HS6ST3: variants seen among roughly 807,000 people sequenced by gnomAD.
HS6ST3 encodes heparan-sulfate 6-O-sulfotransferase 3.
Under a neutral mutation model 36.7 loss-of-function variants are expected in HS6ST3, and 12 were observed. The observed-to-expected ratio is 0.33, with a 90% CI of 0.21 to 0.53. The LOEUF is 0.53. Among genes scored for constraint, HS6ST3 ranks in the 20% least tolerant of loss-of-function variants. HS6ST3 has a pLI of 0.95. For synonymous variants in HS6ST3, 240 were observed against 257.5 expected (o/e 0.93, Z 0.65); for missense variants, 584 against 640.9 (o/e 0.91, Z 0.96).
Position 96,223,218 on chromosome 13 carries a change from G to C in HS6ST3, c.707+131649G>C, listed in dbSNP as rs534626091. ...AGGACAAGAATGGGAGAAATCATGA[G>C]TGACATTGGAGCAGGGAAGCAGAGT... On this transcript the variant is annotated intron_variant, in intron 1 of 1. Transcript: ENST00000376705. Among the ~76,000 whole-genome samples, 31 of 152,328 alleles carry C rather than the reference G, an allele frequency of 2.0e-4. 1 individual carries two copies. In the South Asian group the frequency reaches 5.2e-3, roughly 25 times the overall value.
intron 1 of HS6ST3, among the ~76,000 whole-genome samples, chr13:96,755,030 G>C (rs1260798254): frequency 2.6e-5 from 4 of 151,800 alleles, no homozygotes; most frequent in African/African-American, 4.8e-5. Flanking sequence ...TGTTAGGACT[G>C]TGAGATGCAC....
intron 1 of HS6ST3, among the ~76,000 whole-genome samples, chr13:96,189,815 A>G (rs531156226): frequency 6.6e-6 from 1 of 152,318 alleles, no homozygotes; most frequent in African/African-American, 2.4e-5. Flanking sequence ...GACTAAATCA[A>G]CTACATGATC....
At chr13:96,695,419 G>T (rs1448650395) in intron 1 of HS6ST3, among the ~76,000 whole-genome samples, 1 of 152,084 alleles carries the variant, frequency 6.6e-6, no homozygotes, top group Non-Finnish European at 1.5e-5. Flanking sequence ...TATAACGAAA[G>T]ATTTTAGAAA....
rs551470837 is a variant in HS6ST3, at chr13:96,434,094, C to T, written c.707+342525C>T. On this transcript the variant is annotated intron_variant, in intron 1 of 1. Coordinates refer to ENST00000376705, the MANE Select transcript of HS6ST3 (RefSeq NM_153456.4). Reference sequence around the variant, plus strand: ...CAGTCTGCAAGTCATGTGGAGGGCTCAGAAGAAATCACCCTGCCTACTCCA... The same window carrying T: ...CAGTCTGCAAGTCATGTGGAGGGCTTAGAAGAAATCACCCTGCCTACTCCA... Among the ~76,000 whole-genome samples, 170 of 152,286 alleles carry T rather than the reference C, an allele frequency of 1.1e-3. 1 individual carries two copies. The highest frequency in any genetic ancestry group is 4.0e-3 in the African/African-American group (166 of 41,556).
At chr13:96,167,498 T>C (rs1052558739) in intron 1 of HS6ST3, among the ~76,000 whole-genome samples, 4 of 152,190 alleles carry the variant, frequency 2.6e-5, no homozygotes, top group African/African-American at 9.7e-5. Context: ...GAATCTCCCA[T>C]GCAACTCATC....
At chr13:96,512,268 A>G (rs1159025190) in intron 1 of HS6ST3, among the ~76,000 whole-genome samples, 1 of 152,288 alleles carries the variant, frequency 6.6e-6, no homozygotes, top group African/African-American at 2.4e-5. Flanking sequence ...CACCAGTACC[A>G]TATTGTATTT....
intron 1 of HS6ST3, among the ~76,000 whole-genome samples, chr13:96,506,540 C>T (rs1009591189): frequency 1.3e-5 from 2 of 152,226 alleles, no homozygotes; most frequent in East Asian, 1.9e-4. Flanking sequence ...TTGTAGCTAT[C>T]GCTTATTTTC....
chr13:96,639,064 G>A (rs1321541103), intron 1 of HS6ST3, among the ~76,000 whole-genome samples: 1 of 151,938 alleles, frequency 6.6e-6, no homozygotes, highest in African/African-American at 2.4e-5. Context: ...ACAGATTTCT[G>A]TTAGGTCCAG....
At chr13:96,242,272 A>G in intron 1 of HS6ST3, among the ~76,000 whole-genome samples, 1 of 150,230 alleles carries the variant, frequency 6.7e-6, no homozygotes, top group Non-Finnish European at 1.5e-5. Context: ...CCCAAGGTAG[A>G]GTGCAATGGT....
At chr13:96,440,493 A>AGAAAG (rs544712773) in intron 1 of HS6ST3, among the ~76,000 whole-genome samples, 3,445 of 72,132 alleles carry the variant, frequency 0.048, 60 homozygotes, top group Middle Eastern at 0.099. Context: ...AGGGGAGAGG[A>AGAAAG]GAAAGGAAAG....
intron 1 of HS6ST3, among the ~76,000 whole-genome samples, chr13:96,462,518 A>C (rs1016392685): frequency 4.6e-5 from 7 of 152,240 alleles, no homozygotes; most frequent in Admixed American, 1.3e-4. Flanking sequence ...ATAAGCATAC[A>C]CCTACTGGTG....
At chr13:96,455,988 G>T (rs1245166374) in intron 1 of HS6ST3, among the ~76,000 whole-genome samples, 1 of 152,164 alleles carries the variant, frequency 6.6e-6, no homozygotes, top group African/African-American at 2.4e-5. Context: ...TTCTTAAGTT[G>T]TTCCTGGTAC....
In HS6ST3 at chr13:96,304,084, A is replaced by G. The variant is rs149644663; in HGVS notation, c.707+212515A>G. Among the ~76,000 whole-genome samples the G allele has an allele frequency of 3.5e-3, 524 of 151,478 alleles. 9 individuals carry two copies. The highest frequency in any genetic ancestry group is 0.026 in the East Asian group (135 of 5,142). On this transcript the variant is annotated intron_variant, in intron 1 of 1. Transcript: ENST00000376705. ...CTTGAACCCGGGAGGTGGAGGTTGC[A>G]GTGAGCCGAGATTGCACCATTGCAC... is the stretch of plus-strand genomic sequence containing the variant.
chr13:96,438,653 A>G (rs554180922), intron 1 of HS6ST3, among the ~76,000 whole-genome samples: 4 of 152,322 alleles, frequency 2.6e-5, no homozygotes, highest in African/African-American at 9.6e-5. Context: ...AGACCTCACA[A>G]TTGATTGTTC....
Position 96,241,912 on chromosome 13 carries a change from A to C in HS6ST3, c.707+150343A>C, listed in dbSNP as rs1488212479. Among the ~76,000 whole-genome samples the C allele has an allele frequency of 9.3e-5, 14 of 150,200 alleles. 2 individuals carry two copies. Among genetic ancestry groups the C allele is most frequent in the African/African-American group, 3.4e-4 (14 of 40,718 alleles). On this transcript the variant is annotated intron_variant, in intron 1 of 1. Transcript: ENST00000376705. Reference sequence around the variant, plus strand: ...GCCATTCTTCTGCCTCAGCCTCCCGAGTAGCTGGGACCACAGGCGTCCACC... The same window carrying C: ...GCCATTCTTCTGCCTCAGCCTCCCGCGTAGCTGGGACCACAGGCGTCCACC...
At chr13:96,106,612 A>G (rs622143) in intron 1 of HS6ST3, among the ~76,000 whole-genome samples, 4,376 of 152,366 alleles carry the variant, frequency 0.029, 107 homozygotes, top group Non-Finnish European at 0.045. Flanking sequence ...CAATCTGATC[A>G]CAGAGCACAG....
intron 1 of HS6ST3, among the ~76,000 whole-genome samples, chr13:96,656,338 C>T (rs1024269808): frequency 6.6e-6 from 1 of 152,124 alleles, no homozygotes; most frequent in African/African-American, 2.4e-5. Flanking sequence ...TGTATCTTTA[C>T]AAGATTCCAG....
chr13:96,440,373 G>A (rs2055664407), intron 1 of HS6ST3, among the ~76,000 whole-genome samples: 1 of 151,374 alleles, frequency 6.6e-6, no homozygotes, highest in African/African-American at 2.4e-5. Context: ...TTGAACCCAG[G>A]AGGAGGAGAT....
At chr13:96,265,512 A>G (rs913182271) in intron 1 of HS6ST3, among the ~76,000 whole-genome samples, 1 of 152,156 alleles carries the variant, frequency 6.6e-6, no homozygotes, top group African/African-American at 2.4e-5. Flanking sequence ...TTCATTTAGC[A>G]TCCCTTGTAA....
Sources: allele counts gnomAD v4.1 joint callset (sites outside exome capture counted in the v4.1 genomes callset), GRCh38; gene constraint gnomAD v4.1.1; transcripts MANE v1.5; gene names NCBI Gene and HGNC (gene_info 2026-07-23, HGNC 2026-07-21).